The following HMGXB4 variants were observed in gnomAD, a reference collection of about 807,000 sequenced individuals.
HMGXB4 encodes HMG-box containing 4, also known as HMG domain-containing protein 4.
In HMGXB4, 27 loss-of-function variants were observed where a neutral mutation model predicts 63.9. That is an observed-to-expected ratio of 0.42 (90% confidence interval 0.31 to 0.58). The LOEUF (loss-of-function observed/expected upper bound fraction) is 0.58, where lower values mean the gene tolerates loss of function less well. HMGXB4 is among the 20% of genes least tolerant of loss of function. HMGXB4 has a pLI of 0.13. For synonymous variants in HMGXB4, 264 were observed against 265.3 expected (o/e 0.99, Z 0.05); for missense variants, 624 against 700.7 (o/e 0.89, Z 1.24).
At chr22:35,266,809 C>T (rs1317692969) in intron 5 of HMGXB4, among the ~76,000 whole-genome samples, 1 of 152,034 alleles carries the variant, frequency 6.6e-6, no homozygotes, top group Non-Finnish European at 1.5e-5. Flanking sequence ...ATAGCGAAAC[C>T]CAGTCTCTAC....
upstream of HMGXB4, among the ~76,000 whole-genome samples, chr22:35,255,317 G>GT (rs1442000509): frequency 1.3e-5 from 2 of 151,162 alleles, no homozygotes; most frequent in Non-Finnish European, 3.0e-5. Flanking sequence ...GGGCAACATG[G>GT]TAAAAAAAAA....
the HMGXB4 span, among the ~76,000 whole-genome samples, chr22:35,245,518 C>T: frequency 0.064 from 9,685 of 151,938 alleles, 409 homozygotes; most frequent in African/African-American, 0.12. Context: ...ATAAATGTAA[C>T]GTCTCTGTCA....
rs933950228 is a variant in HMGXB4 at position 35,295,249 on chromosome 22, A to G, written c.*1598A>G. The G allele has an allele frequency of 2.6e-5, 4 of 152,252 alleles. No homozygotes were observed. The highest frequency in any genetic ancestry group is 4.4e-5 in the Non-Finnish European group (3 of 68,070). 9.4% of individuals were successfully genotyped at this position (152,252 alleles called of 1,614,324 possible). ...TCCCCACCAGTGTTGTCACAGGGCT[A>G]TGTTGCTTAAAGGTAGTCTGGCTGC... On this transcript the variant is annotated 3_prime_UTR_variant, in exon 11 of 11. Coordinates refer to ENST00000216106, the MANE Select transcript of HMGXB4 (RefSeq NM_001003681.3).
rs1925154555 is a variant in HMGXB4 at position 35,294,681 on chromosome 22, ATC to A, written c.*1034_*1035del. Reference sequence around the variant, plus strand: ...AATTATGTGTATTTAACTCTTTAAAATCTCTTAGATTTTAATTTATCCTGTAA... The same window carrying A: ...AATTATGTGTATTTAACTCTTTAAAATCTTAGATTTTAATTTATCCTGTAA... On this transcript the variant is annotated 3_prime_UTR_variant, in exon 11 of 11. Coordinates refer to ENST00000216106, the MANE Select transcript of HMGXB4 (RefSeq NM_001003681.3). 6.6e-6 allele frequency: 1 copy of A among 152,438 alleles called. No homozygotes were observed. The highest frequency in any genetic ancestry group is 2.4e-5 in the African/African-American group (1 of 41,430). The allele number at this position is 152,438 out of a possible 1,614,324, so 9.4% of individuals were successfully genotyped here.
chr22:35,289,529 T>A (rs533863947), intron 9 of HMGXB4, among the ~76,000 whole-genome samples: 1 of 152,354 alleles, frequency 6.6e-6, no homozygotes, highest in African/African-American at 2.4e-5. Flanking sequence ...TTTGATTACT[T>A]CTGTCTCCTT....
chr22:35,270,495 C>G (rs1297067517), intron 5 of HMGXB4, among the ~76,000 whole-genome samples: 1 of 152,228 alleles, frequency 6.6e-6, no homozygotes, highest in Non-Finnish European at 1.5e-5. Flanking sequence ...TTATCCCGAA[C>G]TCTGCCCCTA....
intron 1 of HMGXB4, chr22:35,258,569 C>T (rs1311604227): frequency 6.6e-6 from 1 of 152,298 alleles, no homozygotes; most frequent in Non-Finnish European, 1.5e-5. Flanking sequence ...TCTGCAGCTT[C>T]CAGAGCTGGC....
At chr22:35,272,522 C>T (rs1008619665) in intron 5 of HMGXB4, among the ~76,000 whole-genome samples, 1 of 152,276 alleles carries the variant, frequency 6.6e-6, no homozygotes, top group Admixed American at 6.5e-5. Context: ...GATGATTTCC[C>T]ACTAAAGATC....
chr22:35,269,993 GA>G lies in HMGXB4; in HGVS notation c.1215+4400del, dbSNP rs960680736. On this transcript the variant is annotated intron_variant, in intron 5 of 10. Transcript: ENST00000216106. ...ACCCTGTCTCTTTTAAAGAGAAGAA[GA>G]AAAAAAAAAGGCTTGAGAGAAATAA... 4.8e-4 allele frequency among the ~76,000 whole-genome samples: 69 copies of G among 145,092 alleles called. No individual in the cohort carries two copies. The East Asian group carries it at 4.8e-3, about 10-fold the overall frequency.
chr22:35,288,389 C>A lies in HMGXB4; in HGVS notation c.1620C>A (p.His540Gln). ...LLGESLSLIG[H>Q]RLQETEGMVA... ...GAGAGTCCCTAAGCCTCATTGGACACCGTCTGCAGGAAACTGAGGTGAATA... is the reference window on the plus strand; with the variant it reads ...GAGAGTCCCTAAGCCTCATTGGACAACGTCTGCAGGAAACTGAGGTGAATA... Residue 540 changes from histidine to glutamine, a missense_variant, in exon 9 of 11, where the codon CAC (histidine) becomes CAA (glutamine). By Grantham distance (24) the His-to-Gln change is conservative. Around this residue, in one of 2 missense-constraint regions of HMGXB4, gnomAD observed 152 missense variants for 230.1 expected, o/e 0.66. Transcript: ENST00000216106. 1 of 1,600,756 alleles carries A rather than the reference C, an allele frequency of 6.2e-7. No individual in the cohort carries two copies. Among genetic ancestry groups the A allele is most frequent in the Non-Finnish European group, 8.5e-7 (1 of 1,172,658 alleles).
intron 9 of HMGXB4, among the ~76,000 whole-genome samples, chr22:35,291,268 A>AAAAAAT (rs1431153116): frequency 2.0e-5 from 3 of 152,248 alleles, no homozygotes; most frequent in East Asian, 1.9e-4. Context: ...CCTGTCTCAA[A>AAAAAAT]AAAAATAAAA....
chr22:35,289,592 A>G (rs1207147104), intron 9 of HMGXB4, among the ~76,000 whole-genome samples: 2 of 152,232 alleles, frequency 1.3e-5, no homozygotes, highest in South Asian at 2.1e-4. Flanking sequence ...TGAATATTCA[A>G]TTGTATAGGA....
rs201417274 is a variant in HMGXB4 at position 35,275,212 on chromosome 22, C to T, written c.1216-8750C>T. On this transcript the variant is annotated intron_variant, in intron 5 of 10. Coordinates refer to ENST00000216106, the MANE Select transcript of HMGXB4 (RefSeq NM_001003681.3). ...TCAGCTCACTACAACCTCTGCCTCC[C>T]GGGTTTAAGTGATTCTCCTGCCTCA... Among the ~76,000 whole-genome samples the T allele has an allele frequency of 3.4e-5, 5 of 149,032 alleles. No individual in the cohort carries two copies. In the East Asian group the frequency reaches 6.0e-4, roughly 18 times the overall value.
intron 3 of HMGXB4, among the ~76,000 whole-genome samples, 193 bp downstream of exon 3, chr22:35,263,419 A>C (rs1160274102): frequency 6.6e-6 from 1 of 151,580 alleles, no homozygotes; most frequent in Admixed American, 6.6e-5. Flanking sequence ...GAGTAGCTGG[A>C]ATTACAGGCG....
In HMGXB4 at chr22:35,293,709, A is replaced by G. The variant is rs1925066019; in HGVS notation, c.*58A>G. ...TACACCATTGCTGGTTTGTGTATAT[A>G]TGACTGTTGCAGATTCCTTCAGTGG... is the stretch of plus-strand genomic sequence containing the variant. On this transcript the variant is annotated 3_prime_UTR_variant, in exon 11 of 11. Coordinates refer to ENST00000216106, the MANE Select transcript of HMGXB4 (RefSeq NM_001003681.3). 3.3e-5 allele frequency: 45 copies of G among 1,357,642 alleles called. 1 individual carries two copies. The South Asian group carries it at 4.8e-4, about 14-fold the overall frequency. The allele number at this position is 1,357,642 out of a possible 1,614,324, so 84.1% of individuals were successfully genotyped here. A position where few individuals can be genotyped will look rare whatever the true frequency, so the allele number is the denominator to read the frequency against.
intron 3 of HMGXB4, 116 bp from the exon 4 acceptor site, chr22:35,263,680 T>C: frequency 1.4e-6 from 1 of 725,580 alleles, no homozygotes; most frequent in African/African-American, 1.8e-5. Context: ...TGCACATCTA[T>C]TTTTATTATT....
At chr22:35,254,614 T>C (rs780839247), upstream of HMGXB4, among the ~76,000 whole-genome samples, 6 of 152,208 alleles carry the variant, frequency 3.9e-5, no homozygotes, top group Non-Finnish European at 7.3e-5. Context: ...GTAGTATTCA[T>C]ATCTTAATTT....
chr22:35,262,625 G>C, intron 2 of HMGXB4: 1 of 597,736 alleles, frequency 1.7e-6, no homozygotes, highest in East Asian at 2.8e-5. Flanking sequence ...CAACACGAGA[G>C]TCTGAAATAT....
intron 5 of HMGXB4, among the ~76,000 whole-genome samples, chr22:35,273,697 G>T (rs1289242614): frequency 6.6e-6 from 1 of 151,964 alleles, no homozygotes; most frequent in Non-Finnish European, 1.5e-5. Flanking sequence ...CCACCTTTAG[G>T]AACCAAATCT....
Sources: allele counts gnomAD v4.1 joint callset (sites outside exome capture counted in the v4.1 genomes callset), GRCh38; gene constraint gnomAD v4.1.1; regional missense constraint gnomAD v4.1.1; transcripts MANE v1.5; gene names NCBI Gene and HGNC (gene_info 2026-07-23, HGNC 2026-07-21).